The following PROCR variants were observed in gnomAD, a reference collection of about 807,000 sequenced individuals.
PROCR encodes the protein endothelial protein C receptor.
Under a neutral mutation model 24.2 loss-of-function variants are expected in PROCR, and 22 were observed. The observed-to-expected ratio is 0.91, with a 90% CI of 0.65 to 1.30. The LOEUF is 1.30. Ranked by LOEUF, PROCR falls within the 50% of genes most tolerant of loss-of-function variation. PROCR has a pLI of 0.00. For missense variants in PROCR, 288 were observed against 307.7 expected (o/e 0.94, Z 0.48); for synonymous variants, 137 against 139.2 (o/e 0.98, Z 0.11).
chr20:35,173,428 T>C (rs183306607), intron 1 of PROCR, among the ~76,000 whole-genome samples: 9,980 of 113,970 alleles, frequency 0.088, 230 homozygotes, highest in South Asian at 0.15. Flanking sequence ...TTTTTCTTTT[T>C]TTTTTTTTTT....
chr20:35,193,192 T>A (rs1478241985), intron 1 of PROCR, among the ~76,000 whole-genome samples: 1 of 151,658 alleles, frequency 6.6e-6, no homozygotes, highest in African/African-American at 2.4e-5. Flanking sequence ...TTTTTTTTTT[T>A]TTAAGATGGA....
chr20:35,189,086 C>T (rs1437161218), intron 1 of PROCR, among the ~76,000 whole-genome samples: 1 of 152,100 alleles, frequency 6.6e-6, no homozygotes, highest in South Asian at 2.1e-4. Context: ...GAAAAAAGAA[C>T]AGGATAACAG....
intron 1 of PROCR, among the ~76,000 whole-genome samples, chr20:35,204,388 C>T (rs1355366739): frequency 7.7e-6 from 1 of 130,002 alleles, no homozygotes; most frequent in African/African-American, 2.8e-5. Context: ...CTCCCTCCTT[C>T]CTTCCTTCCT....
At chr20:35,185,030 C>CAAAAAAAAAAAAAAAAAAA (rs55715132) in intron 1 of PROCR, among the ~76,000 whole-genome samples, 2 of 104,104 alleles carry the variant, frequency 1.9e-5, no homozygotes, top group Non-Finnish European at 2.0e-5. Context: ...ATCAGTAAGA[C>CAAAAAAAAAAAAAAAAAAA]AAAAAAAAAA....
chr20:35,197,156 C>T (rs2146169205), intron 1 of PROCR, among the ~76,000 whole-genome samples: 1 of 152,298 alleles, frequency 6.6e-6, no homozygotes, highest in East Asian at 1.9e-4. Flanking sequence ...CAAGGTCTCA[C>T]TATGTTGACC....
At chr20:35,198,916 A>G (rs1314076373) in intron 1 of PROCR, among the ~76,000 whole-genome samples, 1 of 152,116 alleles carries the variant, frequency 6.6e-6, no homozygotes, top group African/African-American at 2.4e-5. Context: ...GAGTTTCACC[A>G]TGCTGACCAG....
chr20:35,194,108 C>T (rs1415810101), intron 1 of PROCR, among the ~76,000 whole-genome samples: 3 of 152,068 alleles, frequency 2.0e-5, no homozygotes, highest in African/African-American at 4.8e-5. Context: ...GACTGATCAT[C>T]GGTTATTGAT....
At chr20:35,193,440 C>T (rs2086190901) in intron 1 of PROCR, among the ~76,000 whole-genome samples, 1 of 152,184 alleles carries the variant, frequency 6.6e-6, no homozygotes, top group South Asian at 2.1e-4. Flanking sequence ...TCCCAGAGTG[C>T]TGGGATTACA....
At chr20:35,186,001 T>C (rs1474053939) in intron 1 of PROCR, among the ~76,000 whole-genome samples, 1 of 152,186 alleles carries the variant, frequency 6.6e-6, no homozygotes, top group Non-Finnish European at 1.5e-5. Flanking sequence ...TGGAAAACAA[T>C]TTGACAGTTC....
At chr20:35,199,440 C>T (rs139617031) in intron 1 of PROCR, among the ~76,000 whole-genome samples, 41 of 152,152 alleles carry the variant, frequency 2.7e-4, no homozygotes, top group Admixed American at 6.6e-4. Flanking sequence ...GGAGTAACTT[C>T]GATTTTCAAG....
chr20:35,211,747 C>T (rs995221947), intron 1 of PROCR, among the ~76,000 whole-genome samples: 4 of 152,162 alleles, frequency 2.6e-5, no homozygotes, highest in African/African-American at 4.8e-5. Flanking sequence ...GGCGTGGTGG[C>T]TCACGCCTGT....
intron 1 of PROCR, among the ~76,000 whole-genome samples, chr20:35,200,859 G>A (rs1266229177): frequency 6.6e-6 from 1 of 152,144 alleles, no homozygotes; most frequent in Non-Finnish European, 1.5e-5. Context: ...TGTTGGCCAA[G>A]TTGGTCTCGA....
At chr20:35,175,233 T>G (rs946565749) in intron 2 of PROCR, among the ~76,000 whole-genome samples, 3 of 151,248 alleles carry the variant, frequency 2.0e-5, no homozygotes, top group African/African-American at 7.3e-5. Context: ...ACGTCGAAGG[T>G]CCCCAGAAAA....
chr20:35,187,858 G>C (rs1304580597), intron 1 of PROCR, among the ~76,000 whole-genome samples: 1 of 152,190 alleles, frequency 6.6e-6, no homozygotes, highest in Non-Finnish European at 1.5e-5. Context: ...CCTAAGTCCA[G>C]ATGGCTGACA....
chr20:35,178,174 C>T (rs557000174), downstream of PROCR, among the ~76,000 whole-genome samples: 233 of 151,758 alleles, frequency 1.5e-3, 1 homozygote, highest in African/African-American at 5.4e-3. Flanking sequence ...GAGGCCGAGG[C>T]GAGAGGATCA....
chr20:35,178,784 G>C (rs2086051107), downstream of PROCR, among the ~76,000 whole-genome samples: 1 of 145,880 alleles, frequency 6.9e-6, no homozygotes, highest in Non-Finnish European at 1.5e-5. Flanking sequence ...CAAAGTGCTG[G>C]GATTACAGGC....
chr20:35,201,349 T>C (rs952979720), intron 1 of PROCR, among the ~76,000 whole-genome samples: 14 of 152,082 alleles, frequency 9.2e-5, no homozygotes, highest in Admixed American at 9.2e-4. Flanking sequence ...CTACATTAAA[T>C]GTAAATGGTC....
chr20:35,199,395 C>G (rs1332998622), intron 1 of PROCR, among the ~76,000 whole-genome samples: 1 of 152,124 alleles, frequency 6.6e-6, no homozygotes, highest in African/African-American at 2.4e-5. Context: ...TTCATGCTTG[C>G]TAACACATCA....
intron 1 of PROCR, among the ~76,000 whole-genome samples, chr20:35,192,784 G>A (rs1447961427): frequency 6.6e-6 from 1 of 152,138 alleles, no homozygotes; most frequent in Non-Finnish European, 1.5e-5. Flanking sequence ...AAAGGGAGCT[G>A]GAACTTAAAG....
Sources: allele counts gnomAD v4.1 joint callset (sites outside exome capture counted in the v4.1 genomes callset), GRCh38; gene constraint gnomAD v4.1.1; transcripts MANE v1.5; gene names NCBI Gene and HGNC (gene_info 2026-07-23, HGNC 2026-07-21).